Variants in HIBADH observed in about 807,000 individuals in gnomAD.
The protein encoded by HIBADH is 3-hydroxyisobutyrate dehydrogenase, mitochondrial.
In HIBADH, 25 loss-of-function variants were observed where a neutral mutation model predicts 36.1. The ratio of observed to expected loss-of-function variants is 0.69; its 90% CI spans 0.50 to 0.97. The LOEUF (loss-of-function observed/expected upper bound fraction) is 0.97, where lower values mean the gene tolerates loss of function less well. HIBADH is among the 50% of genes least tolerant of loss of function. The pLI, the probability that HIBADH is intolerant of heterozygous loss-of-function variation, is 0.00. For synonymous variants in HIBADH, 160 were observed against 149.5 expected (o/e 1.07, Z -0.51); for missense variants, 421 against 418.0 (o/e 1.01, Z -0.06).
chr7:27,629,389 C>A lies in HIBADH; in HGVS notation c.466G>T (p.Asp156Tyr). ...EVEKMGAVFMDAPVSGGVGAA... is the reference protein window; with the variant it reads ...EVEKMGAVFMYAPVSGGVGAA... ...CACTTACCACCAGAAACAGGGGCAT[C>A]CATGAAAACTGCTCCCATTTTCTCA... The change falls in exon 4 of 8, where the codon GAT becomes TAT. Residue 156 changes from aspartate to tyrosine, a missense_variant. Asp to Tyr is a radical substitution (Grantham distance 160). Transcript: ENST00000265395. 6.2e-7 allele frequency: 1 copy of A among 1,611,510 alleles called. No individual in the cohort carries two copies. The highest frequency in any genetic ancestry group is 8.5e-7 in the Non-Finnish European group (1 of 1,178,640).
At chr7:27,547,199 T>G (rs1449277678) in intron 4 of HIBADH, among the ~76,000 whole-genome samples, 1 of 152,172 alleles carries the variant, frequency 6.6e-6, no homozygotes, top group African/African-American at 2.4e-5. Flanking sequence ...TGAAGTATGT[T>G]CCCATCTCAA....
chr7:27,594,245 C>T (rs1225959207), intron 4 of HIBADH, among the ~76,000 whole-genome samples: 1 of 150,180 alleles, frequency 6.7e-6, no homozygotes, highest in African/African-American at 2.4e-5. Context: ...CTGGGTTCAA[C>T]TGATTCTCCT....
intron 4 of HIBADH, among the ~76,000 whole-genome samples, chr7:27,614,156 T>C (rs1270739803): frequency 2.0e-5 from 3 of 152,234 alleles, no homozygotes; most frequent in Admixed American, 1.3e-4. Context: ...AGTATTAGTA[T>C]GTTTTTCTAA....
chr7:27,619,134 A>G (rs1275571539), intron 4 of HIBADH, among the ~76,000 whole-genome samples: 2 of 152,082 alleles, frequency 1.3e-5, no homozygotes, highest in Non-Finnish European at 2.9e-5. Flanking sequence ...CCACACCACA[A>G]CTTCACCACA....
At chr7:27,629,957 AGAAT>A (rs1270920564) in intron 3 of HIBADH, among the ~76,000 whole-genome samples, 1 of 55,182 alleles carries the variant, frequency 1.8e-5, no homozygotes, top group Admixed American at 1.8e-4. Flanking sequence ...TCCACAATGA[AGAAT>A]AAACATAAGC....
At chr7:27,555,129 A>AT in intron 4 of HIBADH, among the ~76,000 whole-genome samples, 1 of 152,162 alleles carries the variant, frequency 6.6e-6, no homozygotes, top group Non-Finnish European at 1.5e-5. Flanking sequence ...TAGTTTAAAA[A>AT]TTATTTTATT....
intron 4 of HIBADH, among the ~76,000 whole-genome samples, chr7:27,615,183 T>C (rs1047234813): frequency 6.6e-6 from 1 of 152,080 alleles, no homozygotes; most frequent in African/African-American, 2.4e-5. Context: ...AATGGAGTTA[T>C]GAGAATCCCT....
intron 4 of HIBADH, among the ~76,000 whole-genome samples, chr7:27,628,197 A>C (rs1306684994): frequency 6.6e-6 from 1 of 152,110 alleles, no homozygotes; most frequent in Non-Finnish European, 1.5e-5. Context: ...TTATACCTAA[A>C]TCCTATTTAA....
chr7:27,611,776 C>A (rs1785326037), intron 4 of HIBADH, among the ~76,000 whole-genome samples: 1 of 152,188 alleles, frequency 6.6e-6, no homozygotes, highest in South Asian at 2.1e-4. Context: ...AGTGAAACAA[C>A]TGCTAAGTCT....
intron 4 of HIBADH, among the ~76,000 whole-genome samples, chr7:27,623,279 C>A (rs10951173): frequency 0.79 from 120,805 of 152,156 alleles, 48,363 homozygotes; most frequent in East Asian, 0.97. Context: ...ATATACAACA[C>A]ACTCACAGCT....
intron 4 of HIBADH, among the ~76,000 whole-genome samples, chr7:27,607,326 G>A (rs182776002): frequency 1.6e-4 from 25 of 152,176 alleles, no homozygotes; most frequent in Admixed American, 7.9e-4. Flanking sequence ...TGGCCAACAC[G>A]GTGAAACCAT....
intron 4 of HIBADH, among the ~76,000 whole-genome samples, chr7:27,558,258 C>T (rs1468721384): frequency 6.6e-6 from 1 of 152,128 alleles, no homozygotes; most frequent in Non-Finnish European, 1.5e-5. Flanking sequence ...ACATTTGTCA[C>T]ATTTCTCTTC....
At chr7:27,650,010 T>C (rs1321013456) in intron 1 of HIBADH, among the ~76,000 whole-genome samples, 2 of 152,120 alleles carry the variant, frequency 1.3e-5, no homozygotes, top group Non-Finnish European at 2.9e-5. Flanking sequence ...CTGGGGCACA[T>C]TCACAAAATT....
chr7:27,568,656 T>C (rs1384739055), intron 4 of HIBADH, among the ~76,000 whole-genome samples: 1 of 151,966 alleles, frequency 6.6e-6, no homozygotes, highest in Non-Finnish European at 1.5e-5. Context: ...ATTTTAATAG[T>C]GACAGGGTTT....
At chr7:27,634,173 G>C (rs1430254129) in intron 2 of HIBADH, among the ~76,000 whole-genome samples, 1 of 151,980 alleles carries the variant, frequency 6.6e-6, no homozygotes, top group Admixed American at 6.6e-5. Flanking sequence ...GCTAGGAAAT[G>C]ATATTATAAA....
Position 27,632,320 on chromosome 7 carries a change from G to T in HIBADH, c.362+16C>A. 1 of 1,452,938 alleles carries T rather than the reference G, an allele frequency of 6.9e-7. No homozygotes were observed. The highest frequency in any genetic ancestry group is 2.3e-5 in the East Asian group (1 of 44,096). 90.0% of individuals were successfully genotyped at this position (1,452,938 alleles called of 1,614,324 possible). On this transcript the variant is annotated intron_variant, in intron 3 of 7. Coordinates refer to ENST00000265395, the MANE Select transcript of HIBADH (RefSeq NM_152740.4). ...CTATCATAACAAGAAAATATCCACAGGTGAGAAATACATACTTTAGAATCC... is the reference window on the plus strand; with the variant it reads ...CTATCATAACAAGAAAATATCCACATGTGAGAAATACATACTTTAGAATCC...
intron 2 of HIBADH, among the ~76,000 whole-genome samples, chr7:27,635,085 CAT>C (rs1491438950): frequency 8.8e-5 from 6 of 67,880 alleles, no homozygotes; most frequent in African/African-American, 4.7e-4. Flanking sequence ...TCTCTCTGTG[CAT>C]GTGTGTGTGT....
At chr7:27,536,472 AT>A (rs1393794266) in intron 6 of HIBADH, among the ~76,000 whole-genome samples, 1 of 152,106 alleles carries the variant, frequency 6.6e-6, no homozygotes. Flanking sequence ...CTAAATAACA[AT>A]TTTGTCATAG....
intron 4 of HIBADH, among the ~76,000 whole-genome samples, chr7:27,595,984 T>C (rs1327637328): frequency 6.6e-6 from 1 of 152,234 alleles, no homozygotes; most frequent in Non-Finnish European, 1.5e-5. Context: ...AAAGATAATG[T>C]ATCAGTTCCC....
Sources: allele counts gnomAD v4.1 joint callset (sites outside exome capture counted in the v4.1 genomes callset), GRCh38; gene constraint gnomAD v4.1.1; transcripts MANE v1.5; gene names NCBI Gene and HGNC (gene_info 2026-07-23, HGNC 2026-07-21).